The following TBL1XR1 variants were observed in gnomAD, a reference collection of about 807,000 sequenced individuals.
TBL1XR1 encodes F-box-like/WD repeat-containing protein TBL1XR1.
Under a neutral mutation model 66.9 loss-of-function variants are expected in TBL1XR1, and 5 were observed. That is an observed-to-expected ratio of 0.07 (90% CI 0.04 to 0.16). The LOEUF (loss-of-function observed/expected upper bound fraction) is 0.16. TBL1XR1 is among the 10% of genes least tolerant of loss of function. The pLI is 1.00. For missense variants in TBL1XR1, 238 were observed against 623.2 expected (o/e 0.38, Z 6.58); for synonymous variants, 210 against 206.0 (o/e 1.02, Z -0.17).
At chr3:177,184,468 C>G (rs898869516) in intron 1 of TBL1XR1, among the ~76,000 whole-genome samples, 3 of 152,252 alleles carry the variant, frequency 2.0e-5, no homozygotes, top group African/African-American at 4.8e-5. Context: ...AAAGTTTGCA[C>G]TAAATTATTT....
At chr3:177,088,694 C>T (rs906451106) in intron 2 of TBL1XR1, among the ~76,000 whole-genome samples, 1 of 147,804 alleles carries the variant, frequency 6.8e-6, no homozygotes, top group Non-Finnish European at 1.5e-5. Flanking sequence ...GTGTGCTCTG[C>T]TTTTCTTCAT....
chr3:177,130,967 G>C (rs745416003), intron 1 of TBL1XR1, among the ~76,000 whole-genome samples: 1 of 152,174 alleles, frequency 6.6e-6, no homozygotes, highest in Non-Finnish European at 1.5e-5. Flanking sequence ...TTAGAGACCA[G>C]TCTGGGCAAC....
intron 1 of TBL1XR1, among the ~76,000 whole-genome samples, chr3:177,137,877 G>A (rs1438288364): frequency 2.6e-5 from 4 of 152,152 alleles, no homozygotes; most frequent in African/African-American, 9.7e-5. Flanking sequence ...GGCTAAGGTG[G>A]AAGGATCAAC....
chr3:177,096,651 C>G (rs1204890011), intron 2 of TBL1XR1, among the ~76,000 whole-genome samples: 1 of 151,990 alleles, frequency 6.6e-6, no homozygotes, highest in Non-Finnish European at 1.5e-5. Context: ...TTCATTTGAA[C>G]AAAAACTTCA....
intron 12 of TBL1XR1, among the ~76,000 whole-genome samples, chr3:177,035,888 T>C (rs1238212373): frequency 6.6e-6 from 1 of 152,174 alleles, no homozygotes; most frequent in Non-Finnish European, 1.5e-5. Context: ...CTAGTGAGAC[T>C]CAAATTTATT....
intron 1 of TBL1XR1, among the ~76,000 whole-genome samples, chr3:177,119,951 T>A (rs1231657417): frequency 6.6e-6 from 1 of 152,184 alleles, no homozygotes; most frequent in Non-Finnish European, 1.5e-5. Flanking sequence ...CAGAAAGCCC[T>A]TGGGGACTCG....
intron 1 of TBL1XR1, among the ~76,000 whole-genome samples, chr3:177,167,434 G>A (rs575924053): frequency 3.9e-5 from 6 of 152,162 alleles, no homozygotes; most frequent in Non-Finnish European, 8.8e-5. Context: ...GGTCGAACAC[G>A]CAGAACGTAC....
chr3:177,182,172 AG>A (rs1446022721), intron 1 of TBL1XR1, among the ~76,000 whole-genome samples: 1 of 152,114 alleles, frequency 6.6e-6, no homozygotes, highest in Non-Finnish European at 1.5e-5. Flanking sequence ...GGATCACTTG[AG>A]CCCAGGAGTT....
chr3:177,146,318 C>T (rs191370711), intron 1 of TBL1XR1, among the ~76,000 whole-genome samples: 56 of 151,956 alleles, frequency 3.7e-4, no homozygotes, highest in Admixed American at 3.4e-3. Context: ...GGGAGTTTTG[C>T]TCTTGTTGCC....
intron 1 of TBL1XR1, among the ~76,000 whole-genome samples, chr3:177,190,931 G>A (rs893162214): frequency 3.9e-5 from 6 of 152,192 alleles, no homozygotes; most frequent in Non-Finnish European, 7.3e-5. Flanking sequence ...TATGGGATTT[G>A]TGATCTTCAT....
intron 2 of TBL1XR1, chr3:177,079,640 T>C (rs1212194754): frequency 2.6e-5 from 4 of 151,814 alleles, no homozygotes; most frequent in South Asian, 2.1e-4. Flanking sequence ...TTAAAAATAA[T>C]AGTCAAACGT....
At chr3:177,045,628 CAGGTACCTGGATCCAA>C (rs1716228875) in intron 10 of TBL1XR1, among the ~76,000 whole-genome samples, 1 of 152,136 alleles carries the variant, frequency 6.6e-6, no homozygotes, top group Non-Finnish European at 1.5e-5. Flanking sequence ...GACAAATACT[CAGGTACCTGGATCCAA>C]AATGAGAAAA....
intron 14 of TBL1XR1, among the ~76,000 whole-genome samples, chr3:177,030,093 GGTGT>G (rs971838080): frequency 9.3e-5 from 14 of 150,940 alleles, no homozygotes; most frequent in South Asian, 4.2e-4. Context: ...GCTATGCACA[GGTGT>G]GTGTGTGTAT....
rs1341770222 is a variant in TBL1XR1, at chr3:177,019,781, C to T, written c.*5717G>A. 1 of 151,764 alleles carries T rather than the reference C, an allele frequency of 6.6e-6. No individual in the cohort carries two copies. Among genetic ancestry groups the T allele is most frequent in the Admixed American group, 6.6e-5 (1 of 15,238 alleles). The allele number at this position is 151,764 out of a possible 1,614,324, so 9.4% of individuals were successfully genotyped here. A position where few individuals can be genotyped will look rare whatever the true frequency, so the allele number is the denominator to read the frequency against. ...ATAAGGATTCTAATCCTTAGGAGTC[C>T]AACCCTTTTTGGAAAAGTATACAAT... On this transcript the variant is annotated 3_prime_UTR_variant, in exon 16 of 16. Transcript: ENST00000457928.
chr3:177,067,657 ATTAT>A (rs1267078433), intron 2 of TBL1XR1, among the ~76,000 whole-genome samples: 4 of 152,188 alleles, frequency 2.6e-5, no homozygotes, highest in Non-Finnish European at 5.9e-5. Context: ...CTATAAACTG[ATTAT>A]TTAATTGATC....
intron 2 of TBL1XR1, among the ~76,000 whole-genome samples, chr3:177,066,937 A>C (rs77662366): frequency 0.016 from 2,439 of 152,306 alleles, 62 homozygotes; most frequent in African/African-American, 0.056. Context: ...CAAAGAGTAC[A>C]ATTAACTTTA....
intron 1 of TBL1XR1, among the ~76,000 whole-genome samples, chr3:177,128,895 C>T (rs1015332122): frequency 1.2e-4 from 18 of 152,154 alleles, no homozygotes; most frequent in African/African-American, 4.1e-4. Flanking sequence ...AGCCACTTTC[C>T]TCATTTATGT....
chr3:177,053,949 A>T, intron 3 of TBL1XR1, 31 bp from the exon 4 acceptor site: 1 of 1,586,900 alleles, frequency 6.3e-7, no homozygotes, highest in African/African-American at 1.4e-5. Flanking sequence ...ATGAGAATTT[A>T]TTTTCCTAGT....
chr3:177,152,714 C>G (rs557420524), intron 1 of TBL1XR1, among the ~76,000 whole-genome samples: 1 of 152,270 alleles, frequency 6.6e-6, no homozygotes, highest in Non-Finnish European at 1.5e-5. Context: ...TTTCTCTAAC[C>G]ATCATTCTTA....
Sources: allele counts gnomAD v4.1 joint callset (sites outside exome capture counted in the v4.1 genomes callset), GRCh38; gene constraint gnomAD v4.1.1; transcripts MANE v1.5; gene names NCBI Gene and HGNC (gene_info 2026-07-23, HGNC 2026-07-21).